CLIC5: variants seen among roughly 807,000 people sequenced by gnomAD.
CLIC5 encodes the protein chloride intracellular channel protein 5.
CLIC5 carries 20 observed loss-of-function variants against 24.7 expected under a neutral mutation model. That is an observed-to-expected ratio of 0.81 (90% CI 0.57 to 1.18). The LOEUF (loss-of-function observed/expected upper bound fraction) is 1.18. Ranked by LOEUF, CLIC5 falls within the 50% of genes most tolerant of loss-of-function variation. CLIC5 has a pLI of 0.00. For missense variants in CLIC5, 341 were observed against 326.1 expected, an observed-to-expected ratio of 1.05 and a Z score of -0.35; for synonymous variants, 159 against 135.6, an observed-to-expected ratio of 1.17 and a Z score of -1.20.
chr6:46,113,985 TGG>T, the CLIC5 span, among the ~76,000 whole-genome samples: 1 of 152,328 alleles, frequency 6.6e-6, no homozygotes, highest in African/African-American at 2.4e-5. Context: ...TTAGTCATTT[TGG>T]GAGAAAGATT....
At chr6:45,895,381 C>A (rs1762384514), downstream of CLIC5, among the ~76,000 whole-genome samples, 1 of 152,148 alleles carries the variant, frequency 6.6e-6, no homozygotes, top group Non-Finnish European at 1.5e-5. Flanking sequence ...GCTTAGGTAG[C>A]TTTTCATTTT....
At chr6:45,909,561 C>G (rs114220470) in intron 5 of CLIC5, among the ~76,000 whole-genome samples, 1,858 of 152,208 alleles carry the variant, frequency 0.012, 47 homozygotes, top group African/African-American at 0.042. Context: ...ATATGAAGCT[C>G]TTGGTTGGAA....
At chr6:46,043,775 C>CA (rs11388952) in intron 1 of CLIC5, among the ~76,000 whole-genome samples, 36,425 of 152,146 alleles carry the variant, frequency 0.24, 4,943 homozygotes, top group Admixed American at 0.35. Flanking sequence ...GCTATGTCTC[C>CA]ATTCACCAAT....
intron 4 of CLIC5, among the ~76,000 whole-genome samples, chr6:45,925,860 A>T (rs1342861572): frequency 6.6e-6 from 1 of 152,102 alleles, no homozygotes; most frequent in Admixed American, 6.5e-5. Flanking sequence ...TTGGCCTGAG[A>T]TACCCTCCCA....
At chr6:45,934,572 G>T (rs1246731880) in intron 4 of CLIC5, among the ~76,000 whole-genome samples, 1 of 152,184 alleles carries the variant, frequency 6.6e-6, no homozygotes, top group Non-Finnish European at 1.5e-5. Flanking sequence ...AGATACTATT[G>T]CCCCTGGGGC....
chr6:46,094,423 A>G, the CLIC5 span, among the ~76,000 whole-genome samples: 1 of 152,202 alleles, frequency 6.6e-6, no homozygotes, highest in Non-Finnish European at 1.5e-5. Flanking sequence ...TGTAAAATAA[A>G]AAACAAGTTA....
chr6:46,005,575 C>T (rs1333301725), intron 1 of CLIC5, among the ~76,000 whole-genome samples: 1 of 152,168 alleles, frequency 6.6e-6, no homozygotes, highest in Non-Finnish European at 1.5e-5. Flanking sequence ...CTGGATCCCC[C>T]AGCTTGCCAT....
At chr6:45,964,477 T>C (rs995649654) in intron 1 of CLIC5, among the ~76,000 whole-genome samples, 11 of 152,044 alleles carry the variant, frequency 7.2e-5, no homozygotes, top group African/African-American at 2.7e-4. Context: ...ACTTCTGAGA[T>C]TAGGTAATAG....
chr6:45,941,719 C>G (rs374984621), intron 3 of CLIC5, 66 bp from the exon 4 acceptor site: 1 of 1,195,584 alleles, frequency 8.4e-7, no homozygotes, highest in South Asian at 1.2e-5. Flanking sequence ...GTGAGCCTAT[C>G]CCTATCATGA....
intron 4 of CLIC5, among the ~76,000 whole-genome samples, chr6:45,938,205 A>T (rs1764006496): frequency 6.6e-6 from 1 of 152,238 alleles, no homozygotes; most frequent in Admixed American, 6.5e-5. Flanking sequence ...GAGAGGCCAC[A>T]GCCATGGAGC....
upstream of CLIC5, among the ~76,000 whole-genome samples, chr6:46,019,114 T>C (rs1186176558): frequency 6.8e-6 from 1 of 146,348 alleles, no homozygotes; most frequent in Non-Finnish European, 1.5e-5. Flanking sequence ...TAAGCTAAAA[T>C]GGAATGACAA....
At chr6:46,046,399 A>C (rs1453096407) in intron 1 of CLIC5, among the ~76,000 whole-genome samples, 1 of 152,228 alleles carries the variant, frequency 6.6e-6, no homozygotes, top group Admixed American at 6.5e-5. Context: ...ATGAAGTGTC[A>C]GTACCATTTC....
At chr6:46,035,334 A>G (rs1054715964) in intron 1 of CLIC5, among the ~76,000 whole-genome samples, 4 of 152,240 alleles carry the variant, frequency 2.6e-5, no homozygotes, top group Non-Finnish European at 5.9e-5. Flanking sequence ...TTTTTCTTTC[A>G]GTAAATAGCT....
rs183147126 is a variant in CLIC5, at chr6:45,920,755, G to A, written c.407-6346C>T. On this transcript the variant is annotated intron_variant, in intron 4 of 5. Transcript: ENST00000339561. ...CTAGGCCAAAGATCCAGGAGCAAGC[G>A]GGATGTAGGAGCCCCAGCAGGGCCC... 322 of 618,322 alleles carry A rather than the reference G, an allele frequency of 5.2e-4. 2 individuals are homozygous for A. The Middle Eastern group carries it at 5.8e-3, about 11-fold the overall frequency. 38.3% of individuals were successfully genotyped at this position (618,322 alleles called of 1,614,324 possible).
chr6:46,037,108 T>C (rs1479750321), intron 1 of CLIC5, among the ~76,000 whole-genome samples: 1 of 152,236 alleles, frequency 6.6e-6, no homozygotes, highest in Non-Finnish European at 1.5e-5. Context: ...GCTTCCTTCA[T>C]GCATATCCAA....
downstream of CLIC5, among the ~76,000 whole-genome samples, chr6:45,893,700 G>A (rs1306573844): frequency 1.3e-5 from 2 of 151,972 alleles, no homozygotes; most frequent in African/African-American, 2.4e-5. Context: ...CTCTTCACAG[G>A]TCCAATACTA....
At chr6:46,060,451 G>C (rs1178316653) in intron 1 of CLIC5, among the ~76,000 whole-genome samples, 2 of 152,118 alleles carry the variant, frequency 1.3e-5, no homozygotes, top group Non-Finnish European at 2.9e-5. Flanking sequence ...GGTGCTAATA[G>C]TTGTATGGTG....
intron 5 of CLIC5, among the ~76,000 whole-genome samples, chr6:45,903,626 A>G (rs1762569621): frequency 6.6e-6 from 1 of 152,228 alleles, no homozygotes; most frequent in Non-Finnish European, 1.5e-5. Flanking sequence ...ATTATCTTAC[A>G]CAAATAAAAT....
chr6:46,072,059 G>C (rs1366056253), intron 1 of CLIC5, among the ~76,000 whole-genome samples: 1 of 151,920 alleles, frequency 6.6e-6, no homozygotes, highest in African/African-American at 2.4e-5. Flanking sequence ...AAATAGAGGG[G>C]AACAACACAC....
Sources: allele counts gnomAD v4.1 joint callset (sites outside exome capture counted in the v4.1 genomes callset), GRCh38; gene constraint gnomAD v4.1.1; transcripts MANE v1.5; gene names NCBI Gene and HGNC (gene_info 2026-07-23, HGNC 2026-07-21).